SHISA6: variants seen among roughly 807,000 people sequenced by gnomAD.
SHISA6 encodes the protein shisa family member 6, also known as protein shisa-6.
SHISA6 carries 22 observed loss-of-function variants against 47.9 expected under a neutral mutation model. The observed-to-expected ratio is 0.46, with a 90% CI of 0.33 to 0.66. The LOEUF is 0.66. Among genes scored for constraint, SHISA6 ranks in the 30% least tolerant of loss-of-function variants. SHISA6 has a pLI of 0.02. For synonymous variants in SHISA6, 388 were observed against 337.8 expected (o/e 1.15, Z -1.63); for missense variants, 680 against 764.6 (o/e 0.89, Z 1.30).
chr17:11,391,121 A>T (rs1174993063), intron 3 of SHISA6, among the ~76,000 whole-genome samples: 1 of 152,140 alleles, frequency 6.6e-6, no homozygotes. Context: ...GAGCCTCCTA[A>T]ACAAAGACAT....
chr17:11,440,365 T>A (rs928147820), intron 3 of SHISA6, among the ~76,000 whole-genome samples: 3 of 152,012 alleles, frequency 2.0e-5, no homozygotes, highest in Non-Finnish European at 2.9e-5. Context: ...TAGAGGAAAA[T>A]CCAATTTGTA....
At position 11,391,194 on chromosome 17, in the gene SHISA6, A is replaced by G. The variant is rs539335125; in HGVS notation, c.895+11685A>G. Among the ~76,000 whole-genome samples the G allele has an allele frequency of 1.4e-3, 219 of 152,042 alleles. 1 individual carries two copies. Among genetic ancestry groups the G allele is most frequent in the African/African-American group, 4.0e-3 (167 of 41,480 alleles). On this transcript the variant is annotated intron_variant, in intron 3 of 5. Transcript: ENST00000441885. ...CTGTAGAGGGTAGAGCAGAAAAGTC[A>G]TGGGACCATAAGCCAACTGTAGAGG...
chr17:11,467,617 A>C (rs1440004732), intron 3 of SHISA6, among the ~76,000 whole-genome samples: 2 of 152,166 alleles, frequency 1.3e-5, no homozygotes, highest in Non-Finnish European at 2.9e-5. Context: ...ACCAGCCCTC[A>C]TCAGGCACTC....
intron 2 of SHISA6, among the ~76,000 whole-genome samples, chr17:11,285,600 G>A (rs900140137): frequency 3.3e-5 from 5 of 152,210 alleles, no homozygotes; most frequent in African/African-American, 4.8e-5. Flanking sequence ...AGCTTACTTT[G>A]AGCGAGGGAC....
chr17:11,249,434 C>A (rs6503363), intron 1 of SHISA6, among the ~76,000 whole-genome samples: 4,003 of 152,184 alleles, frequency 0.026, 160 homozygotes, highest in African/African-American at 0.092. Flanking sequence ...CAGTTTTGCC[C>A]TTTCTCAGCT....
At chr17:11,274,174 G>A (rs2142155326) in intron 2 of SHISA6, among the ~76,000 whole-genome samples, 1 of 152,284 alleles carries the variant, frequency 6.6e-6, no homozygotes. Context: ...CCATCAAGGA[G>A]GCAGCCCGAA....
At chr17:11,438,430 G>C (rs866412539) in intron 3 of SHISA6, among the ~76,000 whole-genome samples, 1 of 152,160 alleles carries the variant, frequency 6.6e-6, no homozygotes, top group Non-Finnish European at 1.5e-5. Context: ...GAGGCTGAAA[G>C]TTCAAGATCA....
At chr17:11,284,868 C>T (rs866359579) in intron 2 of SHISA6, among the ~76,000 whole-genome samples, 23 of 152,338 alleles carry the variant, frequency 1.5e-4, no homozygotes, top group Middle Eastern at 3.4e-3. Flanking sequence ...CCCAGATCCT[C>T]CTTGTCCAGG....
At chr17:11,317,199 G>A (rs1281921723) in intron 2 of SHISA6, among the ~76,000 whole-genome samples, 3 of 151,924 alleles carry the variant, frequency 2.0e-5, no homozygotes, top group African/African-American at 7.2e-5. Context: ...GAATTATTAT[G>A]TCTTTTGTCA....
chr17:11,512,972 G>A (rs1188359083), intron 3 of SHISA6, among the ~76,000 whole-genome samples: 1 of 151,738 alleles, frequency 6.6e-6, no homozygotes. Context: ...TATTTCCTTA[G>A]GATCTATTGC....
chr17:11,544,981 A>C (rs902958062), intron 3 of SHISA6, among the ~76,000 whole-genome samples: 2 of 151,544 alleles, frequency 1.3e-5, no homozygotes, highest in East Asian at 3.9e-4. Context: ...AAAAAAAAAA[A>C]ATTAAATATG....
intron 2 of SHISA6, among the ~76,000 whole-genome samples, chr17:11,350,739 G>T (rs546203979): frequency 6.6e-6 from 1 of 152,136 alleles, no homozygotes; most frequent in South Asian, 2.1e-4. Context: ...ATCTGGTCAT[G>T]CCATTCCCTC....
At chr17:11,375,554 T>C (rs952216678) in intron 2 of SHISA6, among the ~76,000 whole-genome samples, 7 of 152,206 alleles carry the variant, frequency 4.6e-5, no homozygotes, top group South Asian at 4.2e-4. Context: ...CTCATTTTTT[T>C]CCCTCCTTTC....
At chr17:11,260,423 A>G (rs145359819) in intron 1 of SHISA6, among the ~76,000 whole-genome samples, 93 of 152,128 alleles carry the variant, frequency 6.1e-4, no homozygotes, top group African/African-American at 2.0e-3. Context: ...ATGGGGGGTG[A>G]CAGGGCCCTG....
At chr17:11,246,184 T>C (rs1907580095) in intron 1 of SHISA6, among the ~76,000 whole-genome samples, 1 of 150,592 alleles carries the variant, frequency 6.6e-6, no homozygotes, top group Non-Finnish European at 1.5e-5. Flanking sequence ...ATTTCTTTTT[T>C]CTTTGAGTTA....
chr17:11,491,770 G>GTTTTTT (rs1297841489), intron 3 of SHISA6, among the ~76,000 whole-genome samples: 2 of 135,262 alleles, frequency 1.5e-5, no homozygotes, highest in African/African-American at 2.9e-5. Context: ...CTGGTGAAGT[G>GTTTTTT]TTTTTTTTTT....
intron 3 of SHISA6, among the ~76,000 whole-genome samples, chr17:11,411,244 A>G (rs1196566574): frequency 6.6e-6 from 1 of 152,128 alleles, no homozygotes; most frequent in Non-Finnish European, 1.5e-5. Context: ...CTGGGATTAC[A>G]GGTGTGAGCC....
intron 2 of SHISA6, among the ~76,000 whole-genome samples, chr17:11,267,926 A>G (rs1288618782): frequency 1.3e-5 from 2 of 152,142 alleles, no homozygotes; most frequent in Non-Finnish European, 2.9e-5. Flanking sequence ...CACCGTACCT[A>G]GCGTTGCAGT....
intron 3 of SHISA6, among the ~76,000 whole-genome samples, chr17:11,497,487 GTCTGAGACC>G (rs922572467): frequency 2.6e-5 from 4 of 152,116 alleles, no homozygotes; most frequent in African/African-American, 2.4e-5. Flanking sequence ...CAGTCATGGG[GTCTGAGACC>G]GTGTTGAGAA....
Sources: allele counts gnomAD v4.1 joint callset (sites outside exome capture counted in the v4.1 genomes callset), GRCh38; gene constraint gnomAD v4.1.1; transcripts MANE v1.5; gene names NCBI Gene and HGNC (gene_info 2026-07-23, HGNC 2026-07-21).